POLD3: variants seen among roughly 807,000 people sequenced by gnomAD.
POLD3 encodes the protein DNA polymerase delta subunit 3.
A neutral mutation model predicts 58.2 loss-of-function variants in POLD3; 19 were observed. The observed-to-expected ratio is 0.33, with a 90% CI of 0.23 to 0.48. POLD3 has a LOEUF of 0.48. POLD3 is among the 20% of genes least tolerant of loss of function. The pLI, the probability that POLD3 is intolerant of heterozygous loss-of-function variation, is 0.99. For missense variants in POLD3, 504 were observed against 545.5 expected (o/e 0.92, Z 0.76); for synonymous variants, 172 against 193.5 (o/e 0.89, Z 0.92).
At chr11:74,649,006 G>A (rs1295601085) in intron 4 of POLD3, among the ~76,000 whole-genome samples, 2 of 152,220 alleles carry the variant, frequency 1.3e-5, no homozygotes, top group South Asian at 2.1e-4. Context: ...TTGCTAGGTC[G>A]TCTCATGCTT....
chr11:74,634,164 A>G (rs886422565), intron 9 of POLD3, among the ~76,000 whole-genome samples: 5 of 152,214 alleles, frequency 3.3e-5, no homozygotes, highest in Non-Finnish European at 5.9e-5. Flanking sequence ...TGTCTCAGTT[A>G]TAAGCTGTGT....
chr11:74,653,244 G>A (rs920951494), intron 4 of POLD3, among the ~76,000 whole-genome samples: 1 of 152,058 alleles, frequency 6.6e-6, no homozygotes, highest in Non-Finnish European at 1.5e-5. Flanking sequence ...TCAGTGGTGA[G>A]GATCTTATTT....
At chr11:74,666,705 A>AT (rs1007792852) in intron 4 of POLD3, among the ~76,000 whole-genome samples, 30 of 151,816 alleles carry the variant, frequency 2.0e-4, no homozygotes, top group African/African-American at 5.6e-4. Context: ...TCCCAGCTGG[A>AT]TTTTTTTTTC....
chr11:74,637,478 T>C (rs905920600), intron 11 of POLD3, among the ~76,000 whole-genome samples: 3 of 135,942 alleles, frequency 2.2e-5, no homozygotes, highest in African/African-American at 8.3e-5. Flanking sequence ...ATAGTTGCCA[T>C]TTTCAAGCCT....
intron 4 of POLD3, among the ~76,000 whole-genome samples, chr11:74,650,730 T>C (rs2033058326): frequency 6.6e-6 from 1 of 152,194 alleles, no homozygotes; most frequent in Admixed American, 6.5e-5. Context: ...ATAGCTGTCT[T>C]ATTTAAACAC....
At chr11:74,592,992 G>A (rs1287846470) in intron 1 of POLD3, 2 of 1,338,288 alleles carry the variant, frequency 1.5e-6, no homozygotes, top group Non-Finnish European at 1.9e-6. Flanking sequence ...CGGAGGGAGG[G>A]CCGTTGGCTG....
Position 74,629,167 on chromosome 11 carries a change from T to TA in POLD3, c.900-49dup, listed in dbSNP as rs766405660. 7 of 1,080,088 alleles carry TA rather than the reference T, an allele frequency of 6.5e-6. No homozygotes were observed. The East Asian group carries it at 1.0e-4, about 16-fold the overall frequency. The allele number at this position is 1,080,088 out of a possible 1,614,324, so 66.9% of individuals were successfully genotyped here. A position where few individuals can be genotyped will look rare whatever the true frequency, so the allele number is the denominator to read the frequency against. On this transcript the variant is annotated intron_variant, in intron 8 of 11. Transcript: ENST00000263681. ...AAACCCATAAGAGCATGTGAATACTTACATTTTTGTTCTGTGTAACACGCT... is the reference window on the plus strand; with the variant it reads ...AAACCCATAAGAGCATGTGAATACTTAACATTTTTGTTCTGTGTAACACGCT...
chr11:74,665,584 T>C (rs1024739341), intron 4 of POLD3, among the ~76,000 whole-genome samples: 1 of 151,784 alleles, frequency 6.6e-6, no homozygotes, highest in African/African-American at 2.4e-5. Context: ...TATTTTTTAG[T>C]GGAGGGGGTT....
rs2033031783 is a variant in POLD3 at position 74,648,701 on chromosome 11, G to T, written c.369+12426G>T. On this transcript the variant is annotated intron_variant, in intron 4 of 4. Transcript: ENST00000524752. ...AGGCCATATAAGTAGGCAGAGGCCAGCTCACAGAGGTCTTTGCTAAGTAGT... is the reference window on the plus strand; with the variant it reads ...AGGCCATATAAGTAGGCAGAGGCCATCTCACAGAGGTCTTTGCTAAGTAGT... Among the ~76,000 whole-genome samples, 10 of 152,206 alleles carry T rather than the reference G, an allele frequency of 6.6e-5. No homozygotes were observed. The South Asian group carries it at 2.1e-3, about 32-fold the overall frequency.
At chr11:74,634,762 T>C (rs539598464) in intron 10 of POLD3, 67 bp downstream of exon 10, 22 of 896,818 alleles carry the variant, frequency 2.5e-5, no homozygotes, top group Non-Finnish European at 7.5e-6. Context: ...ACAACCACTA[T>C]GCTAAATTAG....
chr11:74,625,871 T>TTTGTGTGTGTGTG (rs142784051), intron 8 of POLD3, among the ~76,000 whole-genome samples: 1 of 143,574 alleles, frequency 7.0e-6, no homozygotes, highest in Non-Finnish European at 1.5e-5. Context: ...GTGTGCCTAG[T>TTTGTGTGTGTGTG]TGTGTGTGTG....
chr11:74,627,072 G>A (rs2032452807), intron 8 of POLD3, among the ~76,000 whole-genome samples: 1 of 152,006 alleles, frequency 6.6e-6, no homozygotes, highest in Non-Finnish European at 1.5e-5. Context: ...AAAAAAAGTT[G>A]ACTGTAAAAT....
In POLD3 at chr11:74,654,388, C is replaced by T. The variant is rs189581512; in HGVS notation, c.370-14389C>T. Reference sequence around the variant, plus strand: ...GAGTTAATCAAGAAGATATAATACTCGTAAACGTGCACACAATAACATTAA... The same window carrying T: ...GAGTTAATCAAGAAGATATAATACTTGTAAACGTGCACACAATAACATTAA... On this transcript the variant is annotated intron_variant, in intron 4 of 4. Transcript: ENST00000524752. 3.5e-4 allele frequency among the ~76,000 whole-genome samples: 53 copies of T among 151,990 alleles called. No individual in the cohort carries two copies. The East Asian group carries it at 9.5e-3, about 27-fold the overall frequency.
chr11:74,637,276 A>G (rs1396590428), intron 11 of POLD3, among the ~76,000 whole-genome samples: 1 of 150,844 alleles, frequency 6.6e-6, no homozygotes, highest in Non-Finnish European at 1.5e-5. Context: ...ACTATTCCCC[A>G]CCTCCCAGTC....
At chr11:74,599,161 A>G in intron 2 of POLD3, among the ~76,000 whole-genome samples, 1 of 152,116 alleles carries the variant, frequency 6.6e-6, no homozygotes, top group East Asian at 1.9e-4. Context: ...GTCTCCTGAG[A>G]GTAGCTGGGA....
rs752886384 is a variant in POLD3, at chr11:74,668,973, A to G, written c.*117A>G. 57 of 363,620 alleles carry G rather than the reference A, an allele frequency of 1.6e-4. 1 individual carries two copies. The highest frequency in any genetic ancestry group is 2.5e-4 in the Non-Finnish European group (49 of 192,314). 22.5% of individuals were successfully genotyped at this position (363,620 alleles called of 1,614,324 possible). A position where few individuals can be genotyped will look rare whatever the true frequency, so the allele number is the denominator to read the frequency against. ...CACCAAGAGAAAAAGTTTAGAAAGA[A>G]AAAGAGCTGAGCCTTCTGCCCTATT... On this transcript the variant is annotated 3_prime_UTR_variant, in exon 5 of 5. Transcript: ENST00000524752.
rs780415160 is a variant in POLD3 at position 74,629,355 on chromosome 11, G to A, written c.1006+32G>A. 4.0e-6 allele frequency: 5 copies of A among 1,248,380 alleles called. No individual in the cohort carries two copies. In the South Asian group the frequency reaches 6.4e-5, roughly 16 times the overall value. 77.3% of individuals were successfully genotyped at this position (1,248,380 alleles called of 1,614,324 possible). On this transcript the variant is annotated intron_variant, in intron 9 of 11. Coordinates refer to ENST00000263681, the MANE Select transcript of POLD3 (RefSeq NM_006591.3). ...ATTACCATTCATTTTGGGTTAGGGG[G>A]ATCAATTTTACTTTCAATGTTCAAG...
intron 3 of POLD3, among the ~76,000 whole-genome samples, chr11:74,607,286 C>A (rs1307585470): frequency 1.4e-5 from 2 of 139,312 alleles, no homozygotes; most frequent in Admixed American, 7.2e-5. Flanking sequence ...TTTTTGAGAC[C>A]GAGTCTTGCT....
chr11:74,633,607 A>G (rs1346890407), intron 9 of POLD3, among the ~76,000 whole-genome samples: 1 of 152,176 alleles, frequency 6.6e-6, no homozygotes, highest in Non-Finnish European at 1.5e-5. Flanking sequence ...CCTGACCAGC[A>G]CTTTCTTTGT....
Sources: gnomAD v4.1 joint callset for allele counts (sites outside exome capture counted in the v4.1 genomes callset) on GRCh38, gnomAD v4.1.1 for gene constraint, MANE v1.5 for transcripts, NCBI Gene and HGNC (gene_info 2026-07-23, HGNC 2026-07-21) for gene names.